ZFP82: variants seen among roughly 807,000 people sequenced by gnomAD.
The protein encoded by ZFP82 is ZFP82 zinc finger protein, also known as zinc finger protein 82 homolog.
Under a neutral mutation model 54.0 loss-of-function variants are expected in ZFP82, and 30 were observed. The observed-to-expected ratio is 0.56, with a 90% CI of 0.42 to 0.75. The LOEUF is 0.75. ZFP82 is among the 30% of genes least tolerant of loss of function. ZFP82 has a pLI of 0.00. For synonymous variants in ZFP82, 194 were observed against 209.5 expected (o/e 0.93, Z 0.64); for missense variants, 500 against 636.8 (o/e 0.79, Z 2.31).
rs775682597 is a variant in ZFP82, at chr19:36,392,747, T to C, written c.1593A>G (p.Lys531=). The C allele has an allele frequency of 1.3e-6, 2 of 1,553,736 alleles. No individual in the cohort carries two copies. The highest frequency in any genetic ancestry group is 1.7e-6 in the Non-Finnish European group (2 of 1,156,002). Residue 531 remains lysine, a synonymous_variant, in exon 5 of 5, where the codon AAA becomes AAG. Transcript: ENST00000392161. ...AGAAGTTGAAAAGACTTTCTTAGAT[T>C]TTTACATTATGAATTTTCAGATGAT... ...LTHHLKIHNV[K]I
chr19:36,386,916 C>T (rs565351665), downstream of ZFP82, among the ~76,000 whole-genome samples: 97 of 152,318 alleles, frequency 6.4e-4, 2 homozygotes, highest in Admixed American at 4.2e-3. Context: ...GCCTGGGTGA[C>T]AGAGCGAGAC....
chr19:36,405,145 T>C (rs904452364), intron 4 of ZFP82, among the ~76,000 whole-genome samples: 2 of 145,798 alleles, frequency 1.4e-5, no homozygotes, highest in African/African-American at 2.6e-5. Context: ...GATTGTGCCA[T>C]TGCATTCCAG....
chr19:36,395,481 T>C (rs1270565548), intron 4 of ZFP82: 3 of 152,186 alleles, frequency 2.0e-5, no homozygotes, highest in Non-Finnish European at 4.4e-5. Flanking sequence ...GATATGCCTG[T>C]AACTCAGAAA....
rs1289565774 is a variant in ZFP82, at chr19:36,389,399, A to G, written c.*3342T>C. 6.6e-6 allele frequency among the ~76,000 whole-genome samples: 1 copy of G among 152,244 alleles called. No homozygotes were observed. Among genetic ancestry groups the G allele is most frequent in the Non-Finnish European group, 1.5e-5 (1 of 68,040 alleles). On this transcript the variant is annotated 3_prime_UTR_variant, in exon 5 of 5. Coordinates refer to ENST00000392161, the MANE Select transcript of ZFP82 (RefSeq NM_133466.4). ...GAAAATTTAAAATATATGTAAAGAT[A>G]GTAAGAACGGCACAATGAACCCTGT...
downstream of ZFP82, among the ~76,000 whole-genome samples, chr19:36,386,736 A>C (rs2032119511): frequency 6.6e-6 from 1 of 152,224 alleles, no homozygotes; most frequent in African/African-American, 2.4e-5. Flanking sequence ...CAGGAGTTCA[A>C]GACCAGCCTG....
chr19:36,398,244 CAAG>C (rs2032328820), intron 4 of ZFP82, among the ~76,000 whole-genome samples: 1 of 152,026 alleles, frequency 6.6e-6, no homozygotes, highest in African/African-American at 2.4e-5. Context: ...GTGTTTATTA[CAAG>C]AATGTTTTAG....
intron 1 of ZFP82, among the ~76,000 whole-genome samples, chr19:36,417,875 A>C (rs1037280660): frequency 2.0e-5 from 3 of 152,078 alleles, no homozygotes; most frequent in African/African-American, 7.2e-5. Context: ...TCCAGGAGCA[A>C]GCCTGGGCGG....
chr19:36,409,756 T>G, intron 2 of ZFP82, 25 bp downstream of exon 2: 1 of 1,613,040 alleles, frequency 6.2e-7, no homozygotes, highest in Non-Finnish European at 8.5e-7. Flanking sequence ...CATGATAGTA[T>G]TCCTAGGAGG....
chr19:36,412,434 T>A (rs932295905), intron 1 of ZFP82, among the ~76,000 whole-genome samples: 1 of 152,350 alleles, frequency 6.6e-6, no homozygotes, highest in South Asian at 2.1e-4. Flanking sequence ...CTCAATATCC[T>A]ACAAGCAGCT....
chr19:36,402,748 T>C (rs887954465), intron 4 of ZFP82, among the ~76,000 whole-genome samples: 1 of 150,572 alleles, frequency 6.6e-6, no homozygotes, highest in Non-Finnish European at 1.5e-5. Flanking sequence ...GTAATTCCAG[T>C]ACTCTGGGAG....
Position 36,392,942 on chromosome 19 carries a change from A to G in ZFP82, c.1398T>C (p.Thr466=). 1.2e-6 allele frequency: 2 copies of G among 1,614,006 alleles called. No homozygotes were observed. Among genetic ancestry groups the G allele is most frequent in the Non-Finnish European group, 1.7e-6 (2 of 1,179,944 alleles). The change falls in exon 5 of 5, where the codon ACT becomes ACC. Residue 466 remains threonine (T), a synonymous_variant. Transcript: ENST00000392161. ...GKAFRLRQKL[T]LHQSIHTGEK... ...CGCCAGTATGAATGCTCTGATGTAG[A>G]GTAAGTTTTTGGCGCAATCTAAAGG...
downstream of ZFP82, among the ~76,000 whole-genome samples, chr19:36,386,902 T>C (rs1331023529): frequency 1.3e-5 from 2 of 152,224 alleles, no homozygotes; most frequent in Non-Finnish European, 2.9e-5. Flanking sequence ...GCCATTGCAC[T>C]CCAGCCTGGG....
chr19:36,411,159 A>G (rs1600109969), intron 1 of ZFP82, among the ~76,000 whole-genome samples: 1 of 150,330 alleles, frequency 6.7e-6, no homozygotes, highest in South Asian at 2.1e-4. Flanking sequence ...GCGCCATTGC[A>G]CCCCAGCCTG....
At chr19:36,398,053 C>A (rs2032326113) in intron 4 of ZFP82, among the ~76,000 whole-genome samples, 1 of 152,128 alleles carries the variant, frequency 6.6e-6, no homozygotes, top group Non-Finnish European at 1.5e-5. Flanking sequence ...CTTATTTAAG[C>A]TTTAAAGACA....
intron 4 of ZFP82, among the ~76,000 whole-genome samples, chr19:36,401,007 G>A (rs535423184): frequency 1.3e-4 from 19 of 151,660 alleles, no homozygotes; most frequent in Middle Eastern, 3.5e-3. Flanking sequence ...TCTCTACTCC[G>A]TCCATGGTGA....
chr19:36,407,462 T>C (rs1420096030), intron 3 of ZFP82, among the ~76,000 whole-genome samples: 1 of 152,232 alleles, frequency 6.6e-6, no homozygotes, highest in Non-Finnish European at 1.5e-5. Context: ...GAATTGTAAA[T>C]ACATGCTGTT....
Position 36,393,609 on chromosome 19 carries a change from T to C in ZFP82, c.731A>G (p.His244Arg), listed in dbSNP as rs1600098174. ...AFICGADLRV[H>R]QKMHIGEKPY... ...CTTCTCACCAATATGCATTTTCTGA[T>C]GTACTCTAAGATCTGCACCACATAT... is the stretch of plus-strand genomic sequence containing the variant. The change falls in exon 5 of 5, where the codon CAT becomes CGT. Residue 244 changes from histidine to arginine, a missense_variant. Coordinates refer to ENST00000392161, the MANE Select transcript of ZFP82 (RefSeq NM_133466.4). 1 of 1,614,182 alleles carries C rather than the reference T, an allele frequency of 6.2e-7. No individual in the cohort carries two copies. The highest frequency in any genetic ancestry group is 8.5e-7 in the Non-Finnish European group (1 of 1,180,032).
chr19:36,394,175 T>C (rs750012809), intron 4 of ZFP82, 65 bp from the exon 5 acceptor site: 32 of 1,367,610 alleles, frequency 2.3e-5, no homozygotes, highest in Non-Finnish European at 3.0e-5. Flanking sequence ...ACATTTCTAA[T>C]GTAGAAATAA....
Position 36,388,718 on chromosome 19 carries a change from A to C in ZFP82, c.*4023T>G, listed in dbSNP as rs2032144673. 6.6e-6 allele frequency among the ~76,000 whole-genome samples: 1 copy of C among 152,150 alleles called. No individual in the cohort carries two copies. The highest frequency in any genetic ancestry group is 2.1e-4 in the South Asian group (1 of 4,836). The stretch of plus-strand genomic sequence containing the variant: ...TGTTCTTTTCAAAGAGAATATCCTT[A>C]GTCTGTTATTTTATTAACTATTCCA... On this transcript the variant is annotated 3_prime_UTR_variant, in exon 5 of 5. Coordinates refer to ENST00000392161, the MANE Select transcript of ZFP82 (RefSeq NM_133466.4).
Sources: gnomAD v4.1 joint callset for allele counts (sites outside exome capture counted in the v4.1 genomes callset) on GRCh38, gnomAD v4.1.1 for gene constraint, MANE v1.5 for transcripts, NCBI Gene and HGNC (gene_info 2026-07-23, HGNC 2026-07-21) for gene names.